The following COMMD10 variants were observed in gnomAD, a reference collection of about 807,000 sequenced individuals.
COMMD10 encodes the protein COMM domain containing 10, also known as COMM domain-containing protein 10.
Under a neutral mutation model 28.9 loss-of-function variants are expected in COMMD10, and 33 were observed. The observed-to-expected ratio is 1.14, with a 90% confidence interval of 0.87 to 1.53. The LOEUF (loss-of-function observed/expected upper bound fraction) is 1.53, where lower values mean the gene tolerates loss of function less well. Among genes scored for constraint, COMMD10 ranks in the 40% most tolerant of loss-of-function variants. The pLI, the probability that COMMD10 is intolerant of heterozygous loss-of-function variation, is 0.00. For missense variants in COMMD10, 310 were observed against 233.4 expected (o/e 1.33, Z -2.14); for synonymous variants, 110 against 81.7 (o/e 1.35, Z -1.87).
chr5:116,262,419 A>T (rs538152457), intron 5 of COMMD10, among the ~76,000 whole-genome samples: 1 of 151,818 alleles, frequency 6.6e-6, no homozygotes, highest in South Asian at 2.1e-4. Flanking sequence ...TTTATAGGTG[A>T]TGTGTATATG....
chr5:116,211,260 T>G (rs1748955681), intron 5 of COMMD10, among the ~76,000 whole-genome samples: 1 of 152,138 alleles, frequency 6.6e-6, no homozygotes, highest in African/African-American at 2.4e-5. Context: ...ATCTGATCCC[T>G]GTGCAAACAT....
rs1398137155 is a variant in COMMD10, at chr5:116,143,692, A to G, written c.510+9514A>G. Among the ~76,000 whole-genome samples the G allele has an allele frequency of 2.0e-5, 3 of 152,008 alleles. No individual in the cohort carries two copies. In the East Asian group the frequency reaches 5.8e-4, roughly 29 times the overall value. On this transcript the variant is annotated intron_variant, in intron 5 of 6. Coordinates refer to ENST00000274458, the MANE Select transcript of COMMD10 (RefSeq NM_016144.4). ...GAATAATATAAATATTTTGACATAA[A>G]AGTATTAACAATGAATTAGACATCT...
At chr5:116,116,537 C>A (rs1016479381) in intron 4 of COMMD10, among the ~76,000 whole-genome samples, 7 of 152,142 alleles carry the variant, frequency 4.6e-5, no homozygotes, top group Non-Finnish European at 1.0e-4. Context: ...TATTCACATG[C>A]AATTCAAATT....
chr5:116,229,232 TG>T (rs1189730273), intron 5 of COMMD10, among the ~76,000 whole-genome samples: 2 of 151,936 alleles, frequency 1.3e-5, no homozygotes, highest in African/African-American at 4.8e-5. Context: ...GTTTTGAGTC[TG>T]GGGCAGACAG....
At position 116,254,929 on chromosome 5, in the gene COMMD10, G is replaced by T. The variant is rs1388538771; in HGVS notation, c.511-36588G>T. Among the ~76,000 whole-genome samples the T allele has an allele frequency of 2.0e-5, 3 of 151,484 alleles. No homozygotes were observed. The East Asian group carries it at 5.8e-4, about 29-fold the overall frequency. On this transcript the variant is annotated intron_variant, in intron 5 of 6. Transcript: ENST00000274458. ...AGTCTCCCATTATTAATGTGTGGGA[G>T]TCTAAGTCTCTTTGTAGGTCACTCA...
At chr5:116,193,373 G>A (rs1288871030) in intron 5 of COMMD10, among the ~76,000 whole-genome samples, 3 of 152,070 alleles carry the variant, frequency 2.0e-5, no homozygotes, top group African/African-American at 7.2e-5. Context: ...GATACAGAGT[G>A]GCATAATGGA....
intron 4 of COMMD10, among the ~76,000 whole-genome samples, chr5:116,101,858 A>G (rs1460517152): frequency 1.3e-5 from 2 of 152,158 alleles, no homozygotes; most frequent in Non-Finnish European, 2.9e-5. Context: ...CTTCTTTTGA[A>G]AAATGTCTAT....
At chr5:116,091,302 C>A in intron 3 of COMMD10, 113 bp downstream of exon 3, 1 of 493,440 alleles carries the variant, frequency 2.0e-6, no homozygotes, top group Non-Finnish European at 3.6e-6. Flanking sequence ...AAGATGGAAG[C>A]TGTGAATGTA....
chr5:116,289,212 A>G (rs537730837), intron 5 of COMMD10, among the ~76,000 whole-genome samples: 37 of 151,662 alleles, frequency 2.4e-4, no homozygotes, highest in Non-Finnish European at 4.7e-4. Flanking sequence ...TCCCTATAAT[A>G]GTTATTTTAA....
At chr5:116,212,060 C>T (rs1026713136) in intron 5 of COMMD10, among the ~76,000 whole-genome samples, 1 of 152,136 alleles carries the variant, frequency 6.6e-6, no homozygotes, top group African/African-American at 2.4e-5. Flanking sequence ...ACATCATACA[C>T]AGTAAACTAT....
chr5:116,267,300 A>G (rs1750613447), intron 5 of COMMD10, among the ~76,000 whole-genome samples: 1 of 151,926 alleles, frequency 6.6e-6, no homozygotes, highest in Non-Finnish European at 1.5e-5. Flanking sequence ...CCTATACACC[A>G]ATAACAGACA....
intron 5 of COMMD10, among the ~76,000 whole-genome samples, chr5:116,156,983 T>G (rs1415439211): frequency 6.6e-6 from 1 of 152,162 alleles, no homozygotes; most frequent in African/African-American, 2.4e-5. Context: ...ACCAGTTGAT[T>G]TTCAGTTTTC....
chr5:116,272,802 A>G (rs765164091), intron 5 of COMMD10, among the ~76,000 whole-genome samples: 33 of 151,704 alleles, frequency 2.2e-4, no homozygotes, highest in Non-Finnish European at 3.2e-4. Flanking sequence ...CTCAATCACA[A>G]TCGTGTAAGC....
chr5:116,106,194 T>G (rs542489819), intron 4 of COMMD10, among the ~76,000 whole-genome samples: 3 of 152,312 alleles, frequency 2.0e-5, no homozygotes, highest in South Asian at 4.1e-4. Context: ...GTCTTTGTTC[T>G]CATTGGTTTC....
intron 4 of COMMD10, among the ~76,000 whole-genome samples, chr5:116,108,098 G>A (rs1254879252): frequency 6.6e-6 from 1 of 152,134 alleles, no homozygotes; most frequent in Non-Finnish European, 1.5e-5. Context: ...TCCTGTATGA[G>A]GTGTCTTTCG....
At chr5:116,104,855 G>A (rs986895809) in intron 4 of COMMD10, among the ~76,000 whole-genome samples, 1 of 152,146 alleles carries the variant, frequency 6.6e-6, no homozygotes, top group African/African-American at 2.4e-5. Flanking sequence ...CCCTGACCTC[G>A]TGATCCGTCC....
chr5:116,163,368 C>A (rs1227312620), intron 5 of COMMD10, among the ~76,000 whole-genome samples: 1 of 148,012 alleles, frequency 6.8e-6, no homozygotes, highest in South Asian at 2.1e-4. Context: ...GTGGATCACC[C>A]GAGGTCAGGA....
chr5:116,205,397 A>C (rs1177395987), intron 5 of COMMD10, among the ~76,000 whole-genome samples: 1 of 152,192 alleles, frequency 6.6e-6, no homozygotes. Context: ...GGTGTTACTG[A>C]ATTTTTACCA....
intron 5 of COMMD10, among the ~76,000 whole-genome samples, chr5:116,163,392 C>G (rs1288580502): frequency 2.1e-5 from 3 of 144,954 alleles, no homozygotes; most frequent in Admixed American, 1.4e-4. Flanking sequence ...GGAGACTAGC[C>G]TGGCCAACAT....
Sources: gnomAD v4.1 joint callset for allele counts (sites outside exome capture counted in the v4.1 genomes callset) on GRCh38, gnomAD v4.1.1 for gene constraint, MANE v1.5 for transcripts, NCBI Gene and HGNC (gene_info 2026-07-23, HGNC 2026-07-21) for gene names.